IL6ST: variants seen among roughly 807,000 people sequenced by gnomAD.
The protein encoded by IL6ST is interleukin 6 cytokine family signal transducer.
A neutral mutation model predicts 91.3 loss-of-function variants in IL6ST; 24 were observed. The observed-to-expected ratio is 0.26, with a 90% CI of 0.19 to 0.37. The LOEUF is 0.37. Ranked by LOEUF, IL6ST falls within the 10% of genes least tolerant of loss-of-function variation. The pLI is 1.00. For missense variants in IL6ST, 914 were observed against 1,078.5 expected (o/e 0.85, Z 2.14); for synonymous variants, 351 against 373.6 (o/e 0.94, Z 0.70).
chr5:55,935,430 T>C lies in IL6ST; in HGVS notation c.*5652A>G, dbSNP rs1750447619. On this transcript the variant is annotated 3_prime_UTR_variant, in exon 17 of 17. Transcript: ENST00000381298. ...AAATAGCTATATTTAAAAACAAATA[T>C]TGAATTTTGAGTTGAAAGGTACATT... The C allele has an allele frequency of 4.8e-6, 1 of 206,384 alleles. No individual in the cohort carries two copies. Among genetic ancestry groups the C allele is most frequent in the Non-Finnish European group, 9.9e-6 (1 of 101,014 alleles). 12.8% of individuals were successfully genotyped at this position (206,384 alleles called of 1,614,324 possible). A position where few individuals can be genotyped will look rare whatever the true frequency, so the allele number is the denominator to read the frequency against.
At chr5:55,987,043 T>C (rs567247793) in intron 1 of IL6ST, among the ~76,000 whole-genome samples, 46 of 152,176 alleles carry the variant, frequency 3.0e-4, no homozygotes, top group Non-Finnish European at 4.9e-4. Context: ...TGCATGCCTG[T>C]TGTCCCAGCT....
intron 10 of IL6ST, among the ~76,000 whole-genome samples, chr5:55,955,561 T>C (rs1224880648): frequency 6.6e-6 from 1 of 152,280 alleles, no homozygotes; most frequent in Non-Finnish European, 1.5e-5. Context: ...TTCAGTCATA[T>C]GTATACAAAG....
chr5:55,956,593 T>C (rs1465174772), intron 9 of IL6ST, among the ~76,000 whole-genome samples: 1 of 152,188 alleles, frequency 6.6e-6, no homozygotes, highest in African/African-American at 2.4e-5. Context: ...ACATTTTGAT[T>C]ATCACAAACT....
chr5:55,942,282 C>T (rs1750968983), intron 16 of IL6ST, among the ~76,000 whole-genome samples: 1 of 152,162 alleles, frequency 6.6e-6, no homozygotes, highest in Non-Finnish European at 1.5e-5. Flanking sequence ...ATCATTTCAT[C>T]AGTGCTAAAA....
At position 55,937,716 on chromosome 5, in the gene IL6ST, A is replaced by G. The variant is rs1750626049; in HGVS notation, c.*3366T>C. On this transcript the variant is annotated 3_prime_UTR_variant, in exon 17 of 17. Transcript: ENST00000381298. ...AATATAATCTAACAATACCTGTAAT[A>G]GAAAGCTATCCCAGTAAATTTTTTT... The G allele has an allele frequency of 5.1e-6, 1 of 194,448 alleles. No homozygotes were observed. 12.0% of individuals were successfully genotyped at this position (194,448 alleles called of 1,614,324 possible). A position where few individuals can be genotyped will look rare whatever the true frequency, so the allele number is the denominator to read the frequency against.
In IL6ST at chr5:55,935,617, C is replaced by T. The variant is rs1439543065; in HGVS notation, c.*5465G>A. On this transcript the variant is annotated 3_prime_UTR_variant, in exon 17 of 17. Coordinates refer to ENST00000381298, the MANE Select transcript of IL6ST (RefSeq NM_002184.4). The stretch of plus-strand genomic sequence containing the variant: ...GAGCTTCCTGCTGCTTTCACACATT[C>T]TTCTTTTTCTACCTCAGTTCCTCTT... The T allele has an allele frequency of 4.6e-6, 1 of 219,042 alleles. No individual in the cohort carries two copies. The highest frequency in any genetic ancestry group is 2.2e-5 in the African/African-American group (1 of 44,596). 13.6% of individuals were successfully genotyped at this position (219,042 alleles called of 1,614,324 possible).
chr5:55,969,324 G>T (rs1752819292), intron 4 of IL6ST, among the ~76,000 whole-genome samples: 1 of 151,568 alleles, frequency 6.6e-6, no homozygotes, highest in African/African-American at 2.4e-5. Flanking sequence ...TCCTGTGGTG[G>T]GGGGGGTCTC....
chr5:55,948,052 C>T (rs1751386384), intron 14 of IL6ST, among the ~76,000 whole-genome samples: 1 of 152,098 alleles, frequency 6.6e-6, no homozygotes, highest in South Asian at 2.1e-4. Flanking sequence ...ACACATTTAA[C>T]CTTCTAAAAA....
At position 55,935,336 on chromosome 5, in the gene IL6ST, T is replaced by G. The variant is rs895416899; in HGVS notation, c.*5746A>C. On this transcript the variant is annotated 3_prime_UTR_variant, in exon 17 of 17. Transcript: ENST00000381298. The stretch of plus-strand genomic sequence containing the variant: ...GTCACAGGGAATAAAGAATCAGGTT[T>G]GAATGTCCACAGGTTTCTAAAACTA... The G allele has an allele frequency of 1.0e-5, 2 of 199,058 alleles. No homozygotes were observed. The highest frequency in any genetic ancestry group is 4.6e-5 in the African/African-American group (2 of 43,416). 12.3% of individuals were successfully genotyped at this position (199,058 alleles called of 1,614,324 possible). A position where few individuals can be genotyped will look rare whatever the true frequency, so the allele number is the denominator to read the frequency against.
chr5:55,980,199 C>A (rs541020143), intron 2 of IL6ST, among the ~76,000 whole-genome samples: 15 of 152,246 alleles, frequency 9.9e-5, no homozygotes, highest in Non-Finnish European at 1.9e-4. Context: ...TGCAGCCTTG[C>A]AATGTTGACC....
rs1015935063 is a variant in IL6ST, at chr5:55,959,667, A to G, written c.973+735T>C. On this transcript the variant is annotated intron_variant, in intron 8 of 16. Transcript: ENST00000381298. ...ATCAACCGCTTCCCAGGGGCTTATC[A>G]AGTGCTATTAGAAAAAAAATGAATA... The G allele has an allele frequency of 3.1e-6, 4 of 1,293,324 alleles. No individual in the cohort carries two copies. The African/African-American group carries it at 4.6e-5, about 15-fold the overall frequency. The allele number at this position is 1,293,324 out of a possible 1,614,324, so 80.1% of individuals were successfully genotyped here.
chr5:55,988,767 CAAAA>C (rs34387197), intron 1 of IL6ST, among the ~76,000 whole-genome samples: 1 of 99,176 alleles, frequency 1.0e-5, no homozygotes. Context: ...ACTCCATCTC[CAAAA>C]AAAAAAAAAA....
chr5:55,951,763 CACAAT>C, intron 13 of IL6ST, 159 bp from the exon 14 acceptor site: 1 of 810,848 alleles, frequency 1.2e-6, no homozygotes, highest in South Asian at 1.9e-5. Flanking sequence ...TAAAGCACAA[CACAAT>C]ACTTTTTCAA....
At chr5:55,947,126 G>C (rs1313651391) in intron 15 of IL6ST, among the ~76,000 whole-genome samples, 6 of 152,144 alleles carry the variant, frequency 3.9e-5, no homozygotes, top group Admixed American at 3.9e-4. Context: ...CTGAACCAGG[G>C]AGGCAGAGGT....
chr5:55,951,532 C>T lies in IL6ST; in HGVS notation c.1772G>A (p.Arg591Gln), dbSNP rs138224059. 7 of 1,611,090 alleles carry T rather than the reference C, an allele frequency of 4.3e-6. No individual in the cohort carries two copies. Among genetic ancestry groups the T allele is most frequent in the African/African-American group, 1.3e-5 (1 of 74,852 alleles). The change falls in exon 14 of 17, where the codon CGA (arginine) becomes CAA (glutamine). Residue 591 changes from arginine to glutamine, a missense_variant. Transcript: ENST00000381298. ...ACCTTCATCTGTGTATGCTGCCATT[C>T]GTACCATGTACAATGTGTCACTAGT... ...SLTSDTLYMV[R>Q]MAAYTDEGGK... is the part of the protein sequence containing the mutation.
At chr5:55,994,382 G>A (rs528065081) in intron 1 of IL6ST, among the ~76,000 whole-genome samples, 2 of 152,238 alleles carry the variant, frequency 1.3e-5, no homozygotes, top group South Asian at 4.1e-4. Context: ...AAACGGCTTT[G>A]GGGAAGGGAA....
chr5:55,973,876 T>A (rs185782427), intron 3 of IL6ST, among the ~76,000 whole-genome samples: 3 of 152,258 alleles, frequency 2.0e-5, no homozygotes, highest in Admixed American at 2.0e-4. Flanking sequence ...TACAAACAAC[T>A]GCCAACACTT....
At position 55,936,941 on chromosome 5, in the gene IL6ST, G is replaced by GA. The variant is rs1750567945; in HGVS notation, c.*4140_*4141insT. The GA allele has an allele frequency of 5.0e-6, 1 of 201,870 alleles. No individual in the cohort carries two copies. Among genetic ancestry groups the GA allele is most frequent in the Non-Finnish European group, 1.0e-5 (1 of 98,150 alleles). 12.5% of individuals were successfully genotyped at this position (201,870 alleles called of 1,614,324 possible). On this transcript the variant is annotated 3_prime_UTR_variant, in exon 17 of 17. Coordinates refer to ENST00000381298, the MANE Select transcript of IL6ST (RefSeq NM_002184.4). ...ACATACCTAATGCTAGTCAGTCACT[G>GA]CATTGTCCTACTAGCAAATTGCACA...
At chr5:55,963,202 C>A in intron 7 of IL6ST, 150 bp downstream of exon 7, 1 of 544,870 alleles carries the variant, frequency 1.8e-6, no homozygotes, top group South Asian at 3.2e-5. Flanking sequence ...TCCTGATTCC[C>A]CTTGTTTGAA....
Sources: gnomAD v4.1 joint callset for allele counts (sites outside exome capture counted in the v4.1 genomes callset) on GRCh38, gnomAD v4.1.1 for gene constraint, MANE v1.5 for transcripts, NCBI Gene and HGNC (gene_info 2026-07-23, HGNC 2026-07-21) for gene names.